Variants in ATP11A observed in about 807,000 individuals in gnomAD.
ATP11A encodes the protein phospholipid-transporting ATPase IH.
In ATP11A, 81 loss-of-function variants were observed where a neutral mutation model predicts 154.4. That is an observed-to-expected ratio of 0.52 (90% CI 0.44 to 0.63). The LOEUF (loss-of-function observed/expected upper bound fraction) is 0.63, where lower values mean the gene tolerates loss of function less well. Among genes scored for constraint, ATP11A ranks in the 30% least tolerant of loss-of-function variants. ATP11A has a pLI of 0.00. For missense variants in ATP11A, 1,316 were observed against 1,474.3 expected (o/e 0.89, Z 1.76); for synonymous variants, 623 against 585.9 (o/e 1.06, Z -0.91).
At chr13:112,776,575 G>A (rs1470146958) in intron 1 of ATP11A, among the ~76,000 whole-genome samples, 5 of 152,134 alleles carry the variant, frequency 3.3e-5, no homozygotes, top group Non-Finnish European at 5.9e-5. Flanking sequence ...TGTCAAGTAG[G>A]AAGTGATAGT....
chr13:112,801,734 T>C (rs1010111198), intron 2 of ATP11A, among the ~76,000 whole-genome samples: 57 of 152,224 alleles, frequency 3.7e-4, no homozygotes, highest in Non-Finnish European at 1.5e-4. Flanking sequence ...ACAAGATATG[T>C]ACAAGGTCTA....
Position 112,875,624 on chromosome 13 carries a change from T to C in ATP11A, c.3162-152T>C, listed in dbSNP as rs982210731. 1.4e-6 allele frequency: 1 copy of C among 719,658 alleles called. No homozygotes were observed. The highest frequency in any genetic ancestry group is 1.8e-5 in the African/African-American group (1 of 56,746). 44.6% of individuals were successfully genotyped at this position (719,658 alleles called of 1,614,324 possible). On this transcript the variant is annotated intron_variant, in intron 27 of 29. Transcript: ENST00000375645. This position sits in a 1 kb window ranked among gnomAD's most constrained non-coding sequence, Gnocchi z 4.1. The stretch of plus-strand genomic sequence containing the variant: ...CGGGAGGTTCAGTGTTCATTTTTTA[T>C]ATGATAAATTCAGAGCAGGCTCCGT...
At chr13:112,796,856 C>T (rs917206537) in intron 2 of ATP11A, among the ~76,000 whole-genome samples, 5 of 151,770 alleles carry the variant, frequency 3.3e-5, no homozygotes, top group East Asian at 1.9e-4. Flanking sequence ...CAGAGACTGA[C>T]GTGGTGTGCA....
intron 1 of ATP11A, among the ~76,000 whole-genome samples, chr13:112,781,076 T>C (rs939954347): frequency 6.6e-6 from 1 of 152,158 alleles, no homozygotes; most frequent in Non-Finnish European, 1.5e-5. Context: ...AGCCTCGGTC[T>C]GTCATCCAGG....
At chr13:112,820,248 C>CG (rs2078763281) in intron 8 of ATP11A, among the ~76,000 whole-genome samples, 1 of 152,316 alleles carries the variant, frequency 6.6e-6, no homozygotes, top group Non-Finnish European at 1.5e-5. Context: ...AAGTGAAGGG[C>CG]GGAGTACAGC....
rs966437757 is a variant in ATP11A, at chr13:112,871,589, T to C, written c.2992-146T>C. 7 of 735,608 alleles carry C rather than the reference T, an allele frequency of 9.5e-6. No individual in the cohort carries two copies. The African/African-American group carries it at 1.2e-4, about 13-fold the overall frequency. 45.6% of individuals were successfully genotyped at this position (735,608 alleles called of 1,614,324 possible). A position where few individuals can be genotyped will look rare whatever the true frequency, so the allele number is the denominator to read the frequency against. Reference sequence around the variant, plus strand: ...AGTTGCTGCATCTTCTTTTACGGGATAATAAGAAAATATAGTGCTTATATC... The same window carrying C: ...AGTTGCTGCATCTTCTTTTACGGGACAATAAGAAAATATAGTGCTTATATC... On this transcript the variant is annotated intron_variant, in intron 25 of 29. Coordinates refer to ENST00000375645, the MANE Select transcript of ATP11A (RefSeq NM_015205.3).
intron 1 of ATP11A, among the ~76,000 whole-genome samples, chr13:112,741,381 G>A (rs1018961775): frequency 5.9e-5 from 9 of 151,952 alleles, no homozygotes; most frequent in Non-Finnish European, 1.2e-4. Flanking sequence ...AGCTGTAGTC[G>A]GGAGGGTTGG....
chr13:112,774,523 A>G (rs533424045), intron 1 of ATP11A, among the ~76,000 whole-genome samples: 1 of 152,344 alleles, frequency 6.6e-6, no homozygotes, highest in African/African-American at 2.4e-5. Context: ...ATTCCAACTT[A>G]CAAATTGCAA....
intron 4 of ATP11A, 78 bp downstream of exon 4, chr13:112,806,371 T>C: frequency 8.6e-7 from 1 of 1,169,290 alleles, no homozygotes; most frequent in Admixed American, 1.9e-5. Context: ...GCGAGGTGAT[T>C]GGTTTGTTGT....
At chr13:112,791,879 G>A (rs979591965) in intron 2 of ATP11A, among the ~76,000 whole-genome samples, 5 of 152,162 alleles carry the variant, frequency 3.3e-5, no homozygotes, top group South Asian at 2.1e-4. Flanking sequence ...TTGAGAAGCC[G>A]TAAGTCTCCT....
chr13:112,720,248 A>G (rs1354868343), intron 1 of ATP11A, among the ~76,000 whole-genome samples: 1 of 152,228 alleles, frequency 6.6e-6, no homozygotes, highest in East Asian at 1.9e-4. Context: ...GGTACATGGA[A>G]GGTATACATT....
intron 16 of ATP11A, among the ~76,000 whole-genome samples, chr13:112,837,525 T>C (rs1053137192): frequency 1.3e-5 from 2 of 152,208 alleles, no homozygotes; most frequent in East Asian, 3.9e-4. Context: ...TCCCAAATCC[T>C]GTGCCGTTCA....
intron 2 of ATP11A, among the ~76,000 whole-genome samples, chr13:112,792,825 A>G (rs1242430610): frequency 6.6e-6 from 1 of 152,152 alleles, no homozygotes; most frequent in African/African-American, 2.4e-5. Context: ...CCAGATTTGT[A>G]CTTTGGGGCA....
intron 1 of ATP11A, among the ~76,000 whole-genome samples, chr13:112,719,994 A>G (rs963585802): frequency 5.9e-5 from 9 of 152,260 alleles, no homozygotes; most frequent in Non-Finnish European, 1.2e-4. Flanking sequence ...TTGCAGCAGT[A>G]TCTGTTGTAG....
chr13:112,818,308 C>T (rs1049860326), intron 6 of ATP11A, among the ~76,000 whole-genome samples: 15 of 143,848 alleles, frequency 1.0e-4, no homozygotes, highest in East Asian at 2.1e-4. Context: ...ACCGTTGGTG[C>T]GCTTGGTGAC....
intron 1 of ATP11A, among the ~76,000 whole-genome samples, chr13:112,779,356 C>T (rs1370245993): frequency 2.0e-4 from 27 of 138,366 alleles, no homozygotes; most frequent in African/African-American, 4.8e-4. Flanking sequence ...AGTGAGTAGC[C>T]GCTGGAGTGA....
chr13:112,834,120 G>T (rs964098750), intron 14 of ATP11A, among the ~76,000 whole-genome samples: 1 of 152,254 alleles, frequency 6.6e-6, no homozygotes, highest in Non-Finnish European at 1.5e-5. Context: ...GTGCACCCAC[G>T]TGCTGGCTGA....
At chr13:112,781,832 A>G (rs1360726313) in intron 1 of ATP11A, among the ~76,000 whole-genome samples, 1 of 151,776 alleles carries the variant, frequency 6.6e-6, no homozygotes, top group Non-Finnish European at 1.5e-5. Context: ...AGAATACAAC[A>G]CAAAGAGCTC....
intron 1 of ATP11A, among the ~76,000 whole-genome samples, chr13:112,764,556 C>G (rs1465906102): frequency 2.0e-5 from 3 of 152,216 alleles, no homozygotes; most frequent in South Asian, 2.1e-4. Context: ...CCCATCCAGA[C>G]AGAGTCCCAG....
Sources: allele counts gnomAD v4.1 joint callset (sites outside exome capture counted in the v4.1 genomes callset), GRCh38; gene constraint gnomAD v4.1.1; non-coding constraint Gnocchi (gnomAD v3.1); transcripts MANE v1.5; gene names NCBI Gene and HGNC (gene_info 2026-07-23, HGNC 2026-07-21).